The following TTC39C variants were observed in gnomAD, a reference collection of about 807,000 sequenced individuals.
TTC39C encodes the protein tetratricopeptide repeat domain 39C.
Under a neutral mutation model 76.3 loss-of-function variants are expected in TTC39C, and 33 were observed. The ratio of observed to expected loss-of-function variants is 0.43; its 90% CI spans 0.33 to 0.58. TTC39C has a LOEUF of 0.58. Ranked by LOEUF, TTC39C falls within the 20% of genes least tolerant of loss-of-function variation. The probability of loss-of-function intolerance (pLI) is 0.04; values close to 1 mark genes in which losing one functional copy is unlikely to be tolerated. For missense variants in TTC39C, 595 were observed against 701.4 expected, an observed-to-expected ratio of 0.85 and a Z score of 1.71; for synonymous variants, 254 against 260.6, an observed-to-expected ratio of 0.97 and a Z score of 0.24.
intron 1 of TTC39C, among the ~76,000 whole-genome samples, chr18:24,056,322 C>T (rs553720853): frequency 6.6e-6 from 1 of 152,086 alleles, no homozygotes; most frequent in African/African-American, 2.4e-5. Context: ...CCCCAGGAGT[C>T]GAAACCCCCC....
intron 1 of TTC39C, among the ~76,000 whole-genome samples, chr18:24,050,148 C>T (rs1489880519): frequency 6.6e-6 from 1 of 152,196 alleles, no homozygotes. Flanking sequence ...GCACTCGTAT[C>T]CCCTGTCCTG....
intron 3 of TTC39C, among the ~76,000 whole-genome samples, chr18:24,067,910 C>T (rs1046683071): frequency 3.9e-5 from 6 of 152,142 alleles, no homozygotes; most frequent in South Asian, 2.1e-4. Context: ...TCTCCTCCCT[C>T]GTTTCCTGGT....
chr18:24,133,506 A>G lies in TTC39C; in HGVS notation c.*932A>G, dbSNP rs2085161060. On this transcript the variant is annotated 3_prime_UTR_variant, in exon 14 of 14. Transcript: ENST00000317571. ...CTTTGTGAAAATTGTCAAATTACCA[A>G]CTTTTGGAAATCTTTTGACACATTA... 6.6e-6 allele frequency: 1 copy of G among 152,198 alleles called. No homozygotes were observed. Among genetic ancestry groups the G allele is most frequent in the African/African-American group, 2.4e-5 (1 of 41,454 alleles). 9.4% of individuals were successfully genotyped at this position (152,198 alleles called of 1,614,324 possible).
At chr18:24,039,909 G>C (rs2083771432) in intron 1 of TTC39C, among the ~76,000 whole-genome samples, 1 of 152,100 alleles carries the variant, frequency 6.6e-6, no homozygotes, top group African/African-American at 2.4e-5. Context: ...TAGATGGTGC[G>C]GCCATTCAGA....
At chr18:24,022,926 A>G (rs1293105085) in intron 1 of TTC39C, 2 of 961,298 alleles carry the variant, frequency 2.1e-6, no homozygotes, top group Non-Finnish European at 2.5e-6. Context: ...GCGGCATCCC[A>G]TCCTTACCTT....
At chr18:23,999,439 G>A (rs1568399356) in intron 1 of TTC39C, among the ~76,000 whole-genome samples, 1 of 152,204 alleles carries the variant, frequency 6.6e-6, no homozygotes, top group Admixed American at 6.5e-5. Context: ...GAAGAGAGAG[G>A]AGCTTATCTC....
intron 1 of TTC39C, among the ~76,000 whole-genome samples, chr18:23,997,814 G>A (rs1009036842): frequency 6.6e-6 from 1 of 151,644 alleles, no homozygotes; most frequent in Non-Finnish European, 1.5e-5. Flanking sequence ...AGTTTAAGGT[G>A]TATGAGCTGT....
chr18:24,106,977 G>A (rs1179777087), intron 6 of TTC39C, among the ~76,000 whole-genome samples: 1 of 152,162 alleles, frequency 6.6e-6, no homozygotes, highest in African/African-American at 2.4e-5. Context: ...GAGCCACCGT[G>A]CCCGACAGGC....
intron 1 of TTC39C, 151 bp from the exon 2 acceptor site, chr18:24,063,989 A>G: frequency 9.3e-7 from 1 of 1,078,684 alleles, no homozygotes; most frequent in Non-Finnish European, 1.3e-6. Context: ...TAACTTCTTT[A>G]TTAGGGTAAT....
chr18:24,016,496 TG>T (rs1008547662), intron 1 of TTC39C: 1 of 389,928 alleles, frequency 2.6e-6, no homozygotes, highest in Non-Finnish European at 4.5e-6. Flanking sequence ...CCTTTTTAGT[TG>T]ATGATTTAGG....
intron 1 of TTC39C, among the ~76,000 whole-genome samples, chr18:24,002,023 G>T (rs1220955846): frequency 1.3e-5 from 2 of 152,012 alleles, no homozygotes; most frequent in South Asian, 2.1e-4. Flanking sequence ...GAGACGGGGG[G>T]TAATTCTGTT....
intron 1 of TTC39C, chr18:23,994,584 T>A (rs2083245576): frequency 6.6e-6 from 1 of 152,250 alleles, no homozygotes; most frequent in Non-Finnish European, 1.5e-5. Flanking sequence ...ACACACTGAA[T>A]GGTACTTACG....
chr18:23,997,434 C>A (rs1377385701), intron 1 of TTC39C, among the ~76,000 whole-genome samples: 1 of 151,192 alleles, frequency 6.6e-6, no homozygotes, highest in African/African-American at 2.4e-5. Flanking sequence ...GCCTGTAATC[C>A]CAGCTACTCA....
At chr18:24,082,842 T>G (rs1003600494) in intron 5 of TTC39C, 71 bp from the exon 6 acceptor site, 12 of 1,477,134 alleles carry the variant, frequency 8.1e-6, no homozygotes, top group Non-Finnish European at 1.0e-5. Context: ...GAACACATAC[T>G]GGAGTTTTGA....
chr18:24,116,212 A>G (rs1380940877), intron 7 of TTC39C, among the ~76,000 whole-genome samples: 3 of 152,032 alleles, frequency 2.0e-5, no homozygotes, highest in African/African-American at 7.3e-5. Context: ...TTTGTATTTA[A>G]TTCCAATCTT....
At chr18:24,053,427 T>C (rs980977944) in intron 1 of TTC39C, among the ~76,000 whole-genome samples, 2 of 152,200 alleles carry the variant, frequency 1.3e-5, no homozygotes, top group African/African-American at 4.8e-5. Flanking sequence ...TTCTCTTTAG[T>C]TGGTGAGTGA....
chr18:24,119,544 C>T (rs10163628), intron 8 of TTC39C, among the ~76,000 whole-genome samples: 14,564 of 152,182 alleles, frequency 0.096, 1,493 homozygotes, highest in East Asian at 0.27. Flanking sequence ...AAAATTGCAT[C>T]GGTCCATTAG....
chr18:24,057,706 G>A (rs1254468247), intron 1 of TTC39C, among the ~76,000 whole-genome samples: 1 of 152,256 alleles, frequency 6.6e-6, no homozygotes, highest in East Asian at 1.9e-4. Flanking sequence ...TTTGTGGCTA[G>A]TATGAATAAC....
At chr18:24,122,942 G>C (rs1460751864) in intron 8 of TTC39C, among the ~76,000 whole-genome samples, 1 of 152,216 alleles carries the variant, frequency 6.6e-6, no homozygotes, top group Non-Finnish European at 1.5e-5. Context: ...ATTGCAGCTT[G>C]TGGGACCCTA....
Sources: gnomAD v4.1 joint callset for allele counts (sites outside exome capture counted in the v4.1 genomes callset) on GRCh38, gnomAD v4.1.1 for gene constraint, MANE v1.5 for transcripts, NCBI Gene and HGNC (gene_info 2026-07-23, HGNC 2026-07-21) for gene names.